Variants in VEGFB observed in about 807,000 individuals in gnomAD.
The protein encoded by VEGFB is VEGF-related factor.
VEGFB carries 24 observed loss-of-function variants against 22.5 expected under a neutral mutation model. That is an observed-to-expected ratio of 1.07 (90% CI 0.77 to 1.50). The LOEUF is 1.50. VEGFB is among the 40% of genes most tolerant of loss of function. The pLI, the probability that VEGFB is intolerant of heterozygous loss-of-function variation, is 0.00. For synonymous variants in VEGFB, 141 were observed against 117.4 expected (o/e 1.20, Z -1.30); for missense variants, 327 against 287.8 (o/e 1.14, Z -0.99).
At chr11:64,235,557 T>G in intron 2 of VEGFB, 57 bp downstream of exon 2, 1 of 1,528,832 alleles carries the variant, frequency 6.5e-7, no homozygotes, top group Non-Finnish European at 9.1e-7. Context: ...TCATGGGCCC[T>G]GATTCCAGGT....
intron 2 of VEGFB, 72 bp from the exon 3 acceptor site, chr11:64,235,741 T>A: frequency 6.4e-7 from 1 of 1,569,452 alleles, no homozygotes. Flanking sequence ...ACTTGGGGAC[T>A]GGGGAGGACA....
At position 64,237,204 on chromosome 11, in the gene VEGFB, G is replaced by T; in HGVS notation, c.392G>T (p.Ser131Ile). ...CTTTTCAGACCTAAAAAAAAGGACAGTGCTGTGAAGCCAGACAGGTGAGTC... is the reference window on the plus strand; with the variant it reads ...CTTTTCAGACCTAAAAAAAAGGACATTGCTGTGAAGCCAGACAGGTGAGTC... ...QCECRPKKKD[S>I]AVKPDRAATP... Residue 131 changes from serine to isoleucine, a missense_variant, in exon 5 of 7, where the codon AGT (serine) becomes ATT (isoleucine). Physicochemically the swap from Ser to Ile is moderately radical, Grantham distance 142. Transcript: ENST00000309422. 6.2e-7 allele frequency: 1 copy of T among 1,608,436 alleles called. No individual in the cohort carries two copies. Among genetic ancestry groups the T allele is most frequent in the African/African-American group, 1.3e-5 (1 of 74,662 alleles).
At chr11:64,236,448 G>A (rs1037388257) in intron 4 of VEGFB, 121 bp downstream of exon 4, 2 of 919,422 alleles carry the variant, frequency 2.2e-6, no homozygotes, top group African/African-American at 1.7e-5. Flanking sequence ...GGGCGTGGTA[G>A]CTCACGCCTG....
rs2029992738 is a variant in VEGFB at position 64,236,095 on chromosome 11, G to A, written c.300+86G>A. 3 of 1,522,778 alleles carry A rather than the reference G, an allele frequency of 2.0e-6. No individual in the cohort carries two copies. In the African/African-American group the frequency reaches 4.1e-5, roughly 21 times the overall value. 94.3% of individuals were successfully genotyped at this position (1,522,778 alleles called of 1,614,324 possible). The stretch of plus-strand genomic sequence containing the variant: ...CAGGGTGGATGCTGGCTGGCTCTGG[G>A]GCTGGGGCAGCCTGGAGACTGATGC... On this transcript the variant is annotated intron_variant, in intron 3 of 6. Transcript: ENST00000309422.
chr11:64,237,035 ACCAC>A, intron 4 of VEGFB, 148 bp from the exon 5 acceptor site: 2 of 599,556 alleles, frequency 3.3e-6, no homozygotes, highest in East Asian at 3.6e-5. Flanking sequence ...GTGAGCCGAG[ACCAC>A]GCCACTGCAC....
chr11:64,237,233 T>A lies in VEGFB; in HGVS notation c.410+11T>A. 1 of 1,608,686 alleles carries A rather than the reference T, an allele frequency of 6.2e-7. No homozygotes were observed. Among genetic ancestry groups the A allele is most frequent in the Non-Finnish European group, 8.5e-7 (1 of 1,175,814 alleles). ...TGTGAAGCCAGACAGGTGAGTCTTT[T>A]GGACTCCAGCTGAGTAGGGGTATGG... On this transcript the variant is annotated intron_variant, in intron 5 of 6. Transcript: ENST00000309422.
intron 4 of VEGFB, among the ~76,000 whole-genome samples, chr11:64,236,577 C>T (rs533337227): frequency 5.0e-4 from 76 of 151,678 alleles, no homozygotes; most frequent in Admixed American, 1.4e-3. Flanking sequence ...ATTAGCCGGG[C>T]GTGGTGGCGG....
In VEGFB at chr11:64,234,956, T is replaced by A; in HGVS notation, c.60+63T>A. 1 of 1,233,442 alleles carries A rather than the reference T, an allele frequency of 8.1e-7. No individual in the cohort carries two copies. Among genetic ancestry groups the A allele is most frequent in the Non-Finnish European group, 1.0e-6 (1 of 977,018 alleles). The allele number at this position is 1,233,442 out of a possible 1,614,324, so 76.4% of individuals were successfully genotyped here. A position where few individuals can be genotyped will look rare whatever the true frequency, so the allele number is the denominator to read the frequency against. Reference sequence around the variant, plus strand: ...TGCCCTCTCTCAAGGTTGGCGGAAGTGAGGAGGCGACCCGCGGCCTCGGCC... The same window carrying A: ...TGCCCTCTCTCAAGGTTGGCGGAAGAGAGGAGGCGACCCGCGGCCTCGGCC... On this transcript the variant is annotated intron_variant, in intron 1 of 6. Coordinates refer to ENST00000309422, the MANE Select transcript of VEGFB (RefSeq NM_003377.5). The surrounding 1 kb of genome is among the most constrained non-coding windows in gnomAD (Gnocchi z 5.3).
rs61761280 is a variant in VEGFB at position 64,239,119 on chromosome 11, C to T, written c.*786C>T. Among the ~76,000 whole-genome samples the T allele has an allele frequency of 2.4e-3, 365 of 152,310 alleles. 2 individuals are homozygous for T. The highest frequency in any genetic ancestry group is 8.5e-3 in the African/African-American group (353 of 41,558). On this transcript the variant is annotated 3_prime_UTR_variant, in exon 7 of 7. Transcript: ENST00000309422. ...AGATCTACTGAGTGACCTTGCTTGT[C>T]ACTACCCCTGCCTCTCTGAGCAGCA...
rs2030183145 is a variant in VEGFB at position 64,237,432 on chromosome 11, C to T, written c.423C>T (p.Pro141=). 1 of 1,594,714 alleles carries T rather than the reference C, an allele frequency of 6.3e-7. No individual in the cohort carries two copies. Among genetic ancestry groups the T allele is most frequent in the African/African-American group, 1.3e-5 (1 of 74,514 alleles). Residue 141 remains proline, a synonymous_variant, in exon 6 of 7, where the codon CCC becomes CCT. Coordinates refer to ENST00000309422, the MANE Select transcript of VEGFB (RefSeq NM_003377.5). ...SAVKPDRAAT[P]HHRPQPRSVP... ...TTCTCCTCCCTAGGGCTGCCACTCC[C>T]CACCACCGTCCCCAGCCCCGTTCTG... is the stretch of plus-strand genomic sequence containing the variant.
At chr11:64,237,312 C>T (rs1308540882) in intron 5 of VEGFB, 90 bp downstream of exon 5, 2 of 1,515,630 alleles carry the variant, frequency 1.3e-6, no homozygotes, top group East Asian at 2.3e-5. Flanking sequence ...CCACCCGTCC[C>T]CCACTTTCCC....
chr11:64,237,887 GC>G (rs2030221475), intron 6 of VEGFB: 1 of 526,810 alleles, frequency 1.9e-6, no homozygotes. Context: ...GATGTCAAGG[GC>G]TGTGGTGAGG....
Position 64,238,455 on chromosome 11 carries a change from A to G in VEGFB, c.*122A>G, listed in dbSNP as rs1461351838. ...GTGGGGGAACAAAGAGGAGCCTGGT[A>G]AAAAACAGCCAAGCCCCCAAGACCT... On this transcript the variant is annotated 3_prime_UTR_variant, in exon 7 of 7. Transcript: ENST00000309422. 2.6e-6 allele frequency: 4 copies of G among 1,525,282 alleles called. No individual in the cohort carries two copies. Among genetic ancestry groups the G allele is most frequent in the South Asian group, 1.2e-5 (1 of 83,860 alleles). The allele number at this position is 1,525,282 out of a possible 1,614,324, so 94.5% of individuals were successfully genotyped here.
At position 64,235,172 on chromosome 11, in the gene VEGFB, C is replaced by T. The variant is rs113623752; in HGVS notation, c.60+279C>T. Among the ~76,000 whole-genome samples, 538 of 152,322 alleles carry T rather than the reference C, an allele frequency of 3.5e-3. 3 individuals carry two copies. The highest frequency in any genetic ancestry group is 0.012 in the African/African-American group (514 of 41,580). ...CCTGCAGGACCTGCTTCGGTGGGCA[C>T]TGTGCGCGCTCCTGATCTGCATGCA... On this transcript the variant is annotated intron_variant, in intron 1 of 6. Transcript: ENST00000309422.
In VEGFB at chr11:64,237,126, G is replaced by GAGAGAGAGAGACAGACA; in HGVS notation, c.375-61_375-60insAGAGAGAGAGACAGACA. 16 of 717,458 alleles carry GAGAGAGAGAGACAGACA rather than the reference G, an allele frequency of 2.2e-5. 1 individual carries two copies. The African/African-American group carries it at 2.6e-4, about 12-fold the overall frequency. 44.4% of individuals were successfully genotyped at this position (717,458 alleles called of 1,614,324 possible). A position where few individuals can be genotyped will look rare whatever the true frequency, so the allele number is the denominator to read the frequency against. On this transcript the variant is annotated intron_variant, in intron 4 of 6. Transcript: ENST00000309422. The stretch of plus-strand genomic sequence containing the variant: ...GAGAGAGAGAGAGAGAGAGAGAGTA[G>GAGAGAGAGAGACAGACA]GATGCTGGGATTTCCTGATCTTCCT...
Position 64,238,353 on chromosome 11 carries a change from C to G in VEGFB, c.*23-3C>G. The G allele has an allele frequency of 2.0e-6, 3 of 1,536,202 alleles. No individual in the cohort carries two copies. Among genetic ancestry groups the G allele is most frequent in the Non-Finnish European group, 2.6e-6 (3 of 1,146,876 alleles). On this transcript the variant is annotated splice_polypyrimidine_tract_variant and splice_region_variant and intron_variant, in intron 6 of 6. Transcript: ENST00000309422. ...ATGAACAGATCACTTCCTCCCTCCT[C>G]AGGTGCCGGAAGCTGCGAAGGTGAC...
chr11:64,237,521 C>T lies in VEGFB; in HGVS notation c.512C>T (p.Ala171Val), dbSNP rs762371604. The T allele has an allele frequency of 8.1e-6, 13 of 1,611,228 alleles. No homozygotes were observed. Among genetic ancestry groups the T allele is most frequent in the Admixed American group, 1.7e-5 (1 of 59,988 alleles). Reference sequence around the variant, plus strand: ...GCTGACATCACCCATCCCACTCCAGCCCCAGGCCCCTCTGCCCACGCTGCA... The same window carrying T: ...GCTGACATCACCCATCCCACTCCAGTCCCAGGCCCCTCTGCCCACGCTGCA... ...SPADITHPTP[A>V]PGPSAHAAPS... Residue 171 changes from alanine to valine, a missense_variant, in exon 6 of 7, where the codon GCC becomes GTC. Coordinates refer to ENST00000309422, the MANE Select transcript of VEGFB (RefSeq NM_003377.5).
At chr11:64,236,716 C>CAAAAAAA (rs773789771) in intron 4 of VEGFB, among the ~76,000 whole-genome samples, 8 of 74,474 alleles carry the variant, frequency 1.1e-4, no homozygotes, top group Admixed American at 1.8e-4. Context: ...GACTCTGCCA[C>CAAAAAAA]AAAAAAAAAA....
At chr11:64,237,092 A>AGG (rs2030122020) in intron 4 of VEGFB, 95 bp from the exon 5 acceptor site, 4 of 108,644 alleles carry the variant, frequency 3.7e-5, no homozygotes, top group Admixed American at 1.8e-4. Context: ...TCAAAGAGAG[A>AGG]GAGAGAGAGA....
Sources: gnomAD v4.1 joint callset for allele counts (sites outside exome capture counted in the v4.1 genomes callset) on GRCh38, gnomAD v4.1.1 for gene constraint, Gnocchi (gnomAD v3.1) non-coding constraint, MANE v1.5 for transcripts, NCBI Gene and HGNC (gene_info 2026-07-23, HGNC 2026-07-21) for gene names.